The following FAT3 variants were observed in gnomAD, a reference collection of about 807,000 sequenced individuals.
FAT3 encodes the protein FAT atypical cadherin 3.
FAT3 carries 95 observed loss-of-function variants against 310.2 expected under a neutral mutation model. The ratio of observed to expected loss-of-function variants is 0.31; its 90% CI spans 0.26 to 0.36. The LOEUF (loss-of-function observed/expected upper bound fraction) is 0.36, where lower values mean the gene tolerates loss of function less well. Among genes scored for constraint, FAT3 ranks in the 10% least tolerant of loss-of-function variants. The pLI is 1.00. For synonymous variants in FAT3, 2,314 were observed against 2,192.9 expected, an observed-to-expected ratio of 1.06 and a Z score of -1.54; for missense variants, 5,408 against 5,715.6, an observed-to-expected ratio of 0.95 and a Z score of 1.74.
intron 7 of FAT3, among the ~76,000 whole-genome samples, chr11:92,787,970 T>C (rs1320300896): frequency 6.6e-6 from 1 of 152,132 alleles, no homozygotes; most frequent in East Asian, 1.9e-4. Flanking sequence ...ATATTTACTT[T>C]TAAAAAACCA....
At chr11:92,276,898 T>G (rs886623332) in intron 1 of FAT3, among the ~76,000 whole-genome samples, 7 of 152,172 alleles carry the variant, frequency 4.6e-5, no homozygotes, top group African/African-American at 1.7e-4. Context: ...TTTCTAGTAC[T>G]AACTTTCTTA....
chr11:92,271,894 C>G (rs1946132008), intron 1 of FAT3, among the ~76,000 whole-genome samples: 1 of 152,048 alleles, frequency 6.6e-6, no homozygotes, highest in South Asian at 2.1e-4. Context: ...AAACTGTTGT[C>G]CCATTTTTTA....
intron 4 of FAT3, among the ~76,000 whole-genome samples, chr11:92,721,944 C>T (rs1337282518): frequency 6.6e-6 from 1 of 152,020 alleles, no homozygotes; most frequent in Non-Finnish European, 1.5e-5. Flanking sequence ...TAAGTACCTC[C>T]CACTGGATCC....
chr11:92,249,066 A>G (rs918042889), intron 1 of FAT3, among the ~76,000 whole-genome samples: 3 of 152,078 alleles, frequency 2.0e-5, no homozygotes, highest in Non-Finnish European at 4.4e-5. Flanking sequence ...CAGCATTTTA[A>G]TATTTATAAC....
intron 7 of FAT3, among the ~76,000 whole-genome samples, chr11:92,784,444 C>T (rs941609509): frequency 3.3e-5 from 5 of 152,210 alleles, no homozygotes; most frequent in African/African-American, 1.2e-4. Flanking sequence ...CTTCACCCTA[C>T]TGCTCGCCCC....
intron 2 of FAT3, chr11:92,367,177 C>A: frequency 2.8e-6 from 1 of 353,964 alleles, no homozygotes; most frequent in South Asian, 2.6e-5. Flanking sequence ...GGCATTGTAC[C>A]ACCCACTGAA....
intron 2 of FAT3, among the ~76,000 whole-genome samples, chr11:92,486,195 A>G (rs1247602119): frequency 8.1e-5 from 6 of 73,762 alleles, no homozygotes; most frequent in Admixed American, 2.3e-4. Context: ...ATTTGCTCTC[A>G]GAATAAAACA....
chr11:92,654,201 C>T (rs930197861), intron 3 of FAT3, among the ~76,000 whole-genome samples: 6 of 152,202 alleles, frequency 3.9e-5, no homozygotes, highest in African/African-American at 1.4e-4. Context: ...CCCAACCCAC[C>T]TTTCAATCTG....
intron 3 of FAT3, among the ~76,000 whole-genome samples, chr11:92,562,162 A>G (rs780109756): frequency 2.0e-5 from 3 of 152,130 alleles, no homozygotes; most frequent in Non-Finnish European, 4.4e-5. Context: ...TTCAGTAACA[A>G]ACATTCAGTT....
chr11:92,865,267 G>A lies in FAT3; in HGVS notation c.11659-1474G>A, dbSNP rs866441228. On this transcript the variant is annotated intron_variant, in intron 21 of 27. Transcript: ENST00000525166. The stretch of plus-strand genomic sequence containing the variant: ...TCTGTACTGAAGCATAGAGAAATAC[G>A]TGACGTGTGAGAATGAGAGATGCTC... Among the ~76,000 whole-genome samples the A allele has an allele frequency of 4.6e-5, 7 of 152,298 alleles. No individual in the cohort carries two copies. The South Asian group carries it at 6.2e-4, about 14-fold the overall frequency.
At chr11:92,814,697 T>C (rs752590361) in intron 13 of FAT3, among the ~76,000 whole-genome samples, 7 of 152,140 alleles carry the variant, frequency 4.6e-5, no homozygotes, top group Non-Finnish European at 1.0e-4. Flanking sequence ...CATTACACAC[T>C]GGGGCCTGTT....
chr11:92,866,303 C>T (rs1949245658), intron 21 of FAT3, among the ~76,000 whole-genome samples: 1 of 152,112 alleles, frequency 6.6e-6, no homozygotes, highest in Non-Finnish European at 1.5e-5. Context: ...CAGATGATCT[C>T]CTTGGCACTT....
intron 13 of FAT3, among the ~76,000 whole-genome samples, chr11:92,829,057 GA>G (rs1353796477): frequency 9.9e-5 from 15 of 152,190 alleles, no homozygotes; most frequent in African/African-American, 3.6e-4. Context: ...CAGTGTGTCA[GA>G]AATTACCTTC....
chr11:92,315,512 T>TATATATATATATAG (rs1353970811), intron 1 of FAT3, among the ~76,000 whole-genome samples: 3 of 56,170 alleles, frequency 5.3e-5, no homozygotes, highest in South Asian at 9.7e-4. Context: ...TATATATATA[T>TATATATATATATAG]AGAGAGAGAG....
chr11:92,848,823 T>A (rs564535016), intron 19 of FAT3, among the ~76,000 whole-genome samples: 1 of 152,276 alleles, frequency 6.6e-6, no homozygotes, highest in African/African-American at 2.4e-5. Context: ...TTGCTCAGTG[T>A]ATAAAGAGGA....
intron 1 of FAT3, among the ~76,000 whole-genome samples, chr11:92,276,545 C>G (rs1439204805): frequency 6.6e-6 from 1 of 152,084 alleles, no homozygotes; most frequent in Non-Finnish European, 1.5e-5. Context: ...TGTTAGCATT[C>G]GTGACACTAG....
Position 92,809,952 on chromosome 11 carries a change from A to G in FAT3, c.9357A>G (p.Leu3119=), listed in dbSNP as rs1429594081. 2.5e-6 allele frequency: 4 copies of G among 1,613,906 alleles called. No individual in the cohort carries two copies. Among genetic ancestry groups the G allele is most frequent in the Non-Finnish European group, 2.5e-6 (3 of 1,179,814 alleles). The change falls in exon 13 of 28, where the codon CTA becomes CTG. Residue 3119 remains leucine (L), a synonymous_variant. Coordinates refer to ENST00000525166, the MANE Select transcript of FAT3 (RefSeq NM_001367949.2). The stretch of plus-strand genomic sequence containing the variant: ...GGTTCTGCCAGTCCAACATCCACCT[A>G]ATCCTGGAGGATGTGAATGATAACC... ...GGRFCQSNIH[L]ILEDVNDNPP...
At chr11:92,668,225 T>C (rs1943018142) in intron 3 of FAT3, among the ~76,000 whole-genome samples, 1 of 152,222 alleles carries the variant, frequency 6.6e-6, no homozygotes, top group Non-Finnish European at 1.5e-5. Context: ...ATCAGGATAG[T>C]GGTTGGCCAA....
chr11:92,456,631 G>A (rs937448321), intron 2 of FAT3, among the ~76,000 whole-genome samples: 3 of 152,128 alleles, frequency 2.0e-5, no homozygotes, highest in African/African-American at 4.8e-5. Flanking sequence ...ACCTTGATAT[G>A]TTAGCTTTTC....
Sources: allele counts gnomAD v4.1 joint callset (sites outside exome capture counted in the v4.1 genomes callset), GRCh38; gene constraint gnomAD v4.1.1; transcripts MANE v1.5; gene names NCBI Gene and HGNC (gene_info 2026-07-23, HGNC 2026-07-21).